HEMK2: variants seen among roughly 807,000 people sequenced by gnomAD.
The protein encoded by HEMK2 is methyltransferase HEMK2.
the HEMK2 span, among the ~76,000 whole-genome samples, chr21:28,877,421 A>G: frequency 3.8e-4 from 41 of 106,808 alleles, 1 homozygote; most frequent in East Asian, 2.3e-4. Context: ...AAGGAAGGAA[A>G]GAAAGAGAGA....
At chr21:28,806,511 T>A in the HEMK2 span, among the ~76,000 whole-genome samples, 1 of 152,108 alleles carries the variant, frequency 6.6e-6, no homozygotes, top group East Asian at 1.9e-4. Context: ...TAATTATAGA[T>A]GAAATTAGTT....
At chr21:28,619,084 A>G in the HEMK2 span, among the ~76,000 whole-genome samples, 3 of 152,136 alleles carry the variant, frequency 2.0e-5, no homozygotes, top group Non-Finnish European at 4.4e-5. Flanking sequence ...GTACAGAGGG[A>G]AGATAATATG....
chr21:28,599,622 A>T, the HEMK2 span, among the ~76,000 whole-genome samples: 1 of 152,108 alleles, frequency 6.6e-6, no homozygotes, highest in East Asian at 1.9e-4. Flanking sequence ...AAGTCCTTAC[A>T]TTTCAAAACC....
the HEMK2 span, among the ~76,000 whole-genome samples, chr21:28,834,295 T>A: frequency 6.6e-6 from 1 of 152,146 alleles, no homozygotes. Context: ...AGCAGACAGC[T>A]CCTACAGGAC....
chr21:28,841,337 A>AC, the HEMK2 span, among the ~76,000 whole-genome samples: 1 of 18,590 alleles, frequency 5.4e-5, no homozygotes, highest in African/African-American at 4.0e-4. Context: ...ATATAAATAT[A>AC]TATTATATAT....
At chr21:28,747,722 A>G in the HEMK2 span, among the ~76,000 whole-genome samples, 1 of 152,248 alleles carries the variant, frequency 6.6e-6, no homozygotes, top group Non-Finnish European at 1.5e-5. Flanking sequence ...TATCCTTTGC[A>G]CCAACGTGCA....
the HEMK2 span, among the ~76,000 whole-genome samples, chr21:28,669,081 T>C: frequency 6.6e-6 from 1 of 152,162 alleles, no homozygotes; most frequent in Non-Finnish European, 1.5e-5. Flanking sequence ...TAAACTGGGC[T>C]GGGTGCAGTG....
At chr21:28,850,878 T>C in the HEMK2 span, among the ~76,000 whole-genome samples, 2 of 152,130 alleles carry the variant, frequency 1.3e-5, no homozygotes, top group African/African-American at 4.8e-5. Flanking sequence ...AAGCTATCAG[T>C]GCAGGCTGGG....
At chr21:28,673,327 C>G in the HEMK2 span, among the ~76,000 whole-genome samples, 1 of 152,152 alleles carries the variant, frequency 6.6e-6, no homozygotes, top group African/African-American at 2.4e-5. Context: ...TTGTCTGATT[C>G]AGAAAATTTA....
chr21:28,593,162 A>G, the HEMK2 span, among the ~76,000 whole-genome samples: 5 of 152,124 alleles, frequency 3.3e-5, 1 homozygote, highest in African/African-American at 1.2e-4. Flanking sequence ...GTGCCATTGC[A>G]CTCCAGCCTA....
At chr21:28,833,991 A>G in the HEMK2 span, among the ~76,000 whole-genome samples, 1 of 152,134 alleles carries the variant, frequency 6.6e-6, no homozygotes, top group South Asian at 2.1e-4. Flanking sequence ...AACTAAGAGT[A>G]TTTTTCTCAC....
At chr21:28,607,525 C>T in the HEMK2 span, among the ~76,000 whole-genome samples, 1 of 152,302 alleles carries the variant, frequency 6.6e-6, no homozygotes, top group South Asian at 2.1e-4. Context: ...TTTCTGACAT[C>T]CAAGATTAGG....
the HEMK2 span, among the ~76,000 whole-genome samples, chr21:28,660,125 T>C: frequency 3.3e-5 from 5 of 151,904 alleles, no homozygotes; most frequent in African/African-American, 1.2e-4. Context: ...TTTTCTAGAG[T>C]GTAAAATAAA....
At chr21:28,812,691 G>C in the HEMK2 span, among the ~76,000 whole-genome samples, 1 of 152,274 alleles carries the variant, frequency 6.6e-6, no homozygotes, top group African/African-American at 2.4e-5. Flanking sequence ...TCTATTGTTT[G>C]AAATAGTTTC....
the HEMK2 span, among the ~76,000 whole-genome samples, chr21:28,870,230 C>A: frequency 6.6e-6 from 1 of 151,984 alleles, no homozygotes; most frequent in Non-Finnish European, 1.5e-5. Flanking sequence ...TTTACACAAA[C>A]CTCCTCTCCC....
chr21:28,788,675 G>A, the HEMK2 span, among the ~76,000 whole-genome samples: 17 of 124,598 alleles, frequency 1.4e-4, no homozygotes, highest in African/African-American at 4.3e-4. Flanking sequence ...ATAACTTATG[G>A]AAAAATAAAA....
the HEMK2 span, among the ~76,000 whole-genome samples, chr21:28,654,829 G>A: frequency 1.3e-5 from 2 of 152,200 alleles, no homozygotes; most frequent in African/African-American, 4.8e-5. Context: ...CCTAAAAACA[G>A]AGGTTTGGCA....
chr21:28,665,335 T>TATA, the HEMK2 span, among the ~76,000 whole-genome samples: 2 of 39,092 alleles, frequency 5.1e-5, no homozygotes, highest in African/African-American at 9.8e-4. Context: ...TTTATATTTC[T>TATA]TTTTTTTTTT....
At chr21:28,609,983 T>C in the HEMK2 span, among the ~76,000 whole-genome samples, 13 of 152,310 alleles carry the variant, frequency 8.5e-5, no homozygotes, top group African/African-American at 2.9e-4. Flanking sequence ...AAAACATATT[T>C]GAGGGAATCA....
Sources: allele counts gnomAD v4.1 joint callset (sites outside exome capture counted in the v4.1 genomes callset), GRCh38; gene constraint gnomAD v4.1.1; transcripts MANE v1.5; gene names NCBI Gene and HGNC (gene_info 2026-07-23, HGNC 2026-07-21).